The following CACNG3 variants were observed in gnomAD, a reference collection of about 807,000 sequenced individuals.
CACNG3 encodes the protein voltage-dependent calcium channel gamma-3 subunit.
Under a neutral mutation model 28.5 loss-of-function variants are expected in CACNG3, and 3 were observed. That is an observed-to-expected ratio of 0.11 (90% confidence interval 0.05 to 0.27). CACNG3 has a LOEUF of 0.27. CACNG3 is among the 10% of genes least tolerant of loss of function. The probability of loss-of-function intolerance (pLI) is 1.00; values close to 1 mark genes in which losing one functional copy is unlikely to be tolerated. For missense variants in CACNG3, 236 were observed against 414.4 expected, an observed-to-expected ratio of 0.57 and a Z score of 3.74; for synonymous variants, 174 against 162.2, an observed-to-expected ratio of 1.07 and a Z score of -0.55.
intron 1 of CACNG3, among the ~76,000 whole-genome samples, chr16:24,321,240 C>T (rs192954086): frequency 1.5e-3 from 234 of 152,100 alleles, no homozygotes; most frequent in African/African-American, 5.3e-3. Flanking sequence ...GAGGCTGAGG[C>T]GGGAGGATCA....
At chr16:24,264,771 C>T (rs1158422532) in intron 1 of CACNG3, among the ~76,000 whole-genome samples, 1 of 152,064 alleles carries the variant, frequency 6.6e-6, no homozygotes, top group Non-Finnish European at 1.5e-5. Context: ...TTTTAACAAC[C>T]AAAAGTGACT....
chr16:24,273,095 T>C (rs1470336984), intron 1 of CACNG3, among the ~76,000 whole-genome samples: 1 of 152,204 alleles, frequency 6.6e-6, no homozygotes, highest in East Asian at 1.9e-4. Context: ...CAACATACAG[T>C]ATATGGTTTC....
rs772576542 is a variant in CACNG3 at position 24,362,222 on chromosome 16, C to T, written c.*359C>T. 13 of 188,404 alleles carry T rather than the reference C, an allele frequency of 6.9e-5. No homozygotes were observed. Among genetic ancestry groups the T allele is most frequent in the African/African-American group, 1.6e-4 (7 of 42,940 alleles). The allele number at this position is 188,404 out of a possible 1,614,324, so 11.7% of individuals were successfully genotyped here. ...GGGATTTCCGAATCTCCATCAGGCG[C>T]GCTCATAGTTGTCCCCATTGTCTAC... On this transcript the variant is annotated 3_prime_UTR_variant, in exon 4 of 4. Coordinates refer to ENST00000005284, the MANE Select transcript of CACNG3 (RefSeq NM_006539.4).
intron 1 of CACNG3, among the ~76,000 whole-genome samples, chr16:24,307,490 T>A (rs1464816487): frequency 6.6e-6 from 1 of 152,182 alleles, no homozygotes; most frequent in African/African-American, 2.4e-5. Context: ...GACAGCTGCA[T>A]CACAGTCCTT....
chr16:24,276,689 G>A (rs1485916184), intron 1 of CACNG3, among the ~76,000 whole-genome samples: 1 of 152,182 alleles, frequency 6.6e-6, no homozygotes, highest in Non-Finnish European at 1.5e-5. Context: ...ATTTCAGCAG[G>A]CACTGAAAAA....
At chr16:24,281,589 A>T (rs939693445) in intron 1 of CACNG3, among the ~76,000 whole-genome samples, 6 of 152,156 alleles carry the variant, frequency 3.9e-5, no homozygotes, top group African/African-American at 1.4e-4. Context: ...TATTGGCTTC[A>T]ATTAGGTCAT....
chr16:24,330,773 T>C (rs556945599), intron 1 of CACNG3, among the ~76,000 whole-genome samples: 74 of 152,312 alleles, frequency 4.9e-4, no homozygotes, highest in African/African-American at 6.5e-4. Flanking sequence ...TCCAGAAGCC[T>C]CTGTGGTCTG....
intron 1 of CACNG3, chr16:24,333,389 A>C (rs1330832742): frequency 2.6e-5 from 4 of 151,856 alleles, no homozygotes; most frequent in Non-Finnish European, 5.9e-5. Context: ...TTTTTCTTTT[A>C]TTTTATTCTC....
chr16:24,314,459 T>A (rs537622248), intron 1 of CACNG3, among the ~76,000 whole-genome samples: 22 of 152,268 alleles, frequency 1.4e-4, no homozygotes, highest in African/African-American at 5.3e-4. Flanking sequence ...TGAGCAGCCT[T>A]GACCTTTCTC....
chr16:24,344,120 A>T (rs1228957819), intron 1 of CACNG3, among the ~76,000 whole-genome samples: 1 of 152,090 alleles, frequency 6.6e-6, no homozygotes, highest in Non-Finnish European at 1.5e-5. Flanking sequence ...AGTCATTTAG[A>T]TAGCTAAAGA....
At chr16:24,273,098 A>G (rs1898710513) in intron 1 of CACNG3, among the ~76,000 whole-genome samples, 1 of 152,104 alleles carries the variant, frequency 6.6e-6, no homozygotes, top group Non-Finnish European at 1.5e-5. Context: ...CATACAGTAT[A>G]TGGTTTCCTG....
chr16:24,328,088 T>C (rs1026698145), intron 1 of CACNG3, among the ~76,000 whole-genome samples: 2 of 152,124 alleles, frequency 1.3e-5, no homozygotes, highest in Non-Finnish European at 2.9e-5. Flanking sequence ...GCTCTTGGGA[T>C]TTACAATAGA....
rs1158587996 is a variant in CACNG3 at position 24,317,648 on chromosome 16, AAAAGAAAGAAAGAAAGAAAGAAAG to A, written c.212-29042_212-29019del. Among the ~76,000 whole-genome samples the A allele has an allele frequency of 2.0e-4, 11 of 55,736 alleles. No individual in the cohort carries two copies. The East Asian group carries it at 4.0e-3, about 20-fold the overall frequency. The allele number at this position is 55,736 out of a possible 152,430, so 36.6% of individuals were successfully genotyped here. A position where few individuals can be genotyped will look rare whatever the true frequency, so the allele number is the denominator to read the frequency against. On this transcript the variant is annotated intron_variant, in intron 1 of 3. Coordinates refer to ENST00000005284, the MANE Select transcript of CACNG3 (RefSeq NM_006539.4). ...AAAGACAGACAGAAAGAAAGAAAAG[AAAAGAAAGAAAGAAAGAAAGAAAG>A]AAAGAAAGAAAGAAAGAAAGAAAGA...
chr16:24,317,561 A>AGAAG (rs1899371194), intron 1 of CACNG3, among the ~76,000 whole-genome samples: 1 of 28,416 alleles, frequency 3.5e-5, no homozygotes, highest in Admixed American at 4.8e-4. Flanking sequence ...AGAAAAAGAA[A>AGAAG]GAAAGAAAGA....
intron 1 of CACNG3, among the ~76,000 whole-genome samples, chr16:24,299,227 T>A (rs1421445340): frequency 6.6e-6 from 1 of 152,220 alleles, no homozygotes; most frequent in Non-Finnish European, 1.5e-5. Context: ...TTTATTCATT[T>A]ATTTACATCA....
At chr16:24,284,764 A>T (rs1022626635) in intron 1 of CACNG3, among the ~76,000 whole-genome samples, 5 of 152,186 alleles carry the variant, frequency 3.3e-5, no homozygotes, top group Non-Finnish European at 5.9e-5. Flanking sequence ...TGAGGTTGGC[A>T]TGCTTTAATG....
intron 1 of CACNG3, among the ~76,000 whole-genome samples, chr16:24,302,715 A>G (rs2141360844): frequency 6.6e-6 from 1 of 152,226 alleles, no homozygotes; most frequent in African/African-American, 2.4e-5. Context: ...GCTGGAGGAC[A>G]GTGGTGCAAT....
chr16:24,349,038 C>G (rs567858611), intron 2 of CACNG3, among the ~76,000 whole-genome samples: 2 of 152,314 alleles, frequency 1.3e-5, no homozygotes, highest in South Asian at 2.1e-4. Flanking sequence ...TAAGGAGAGG[C>G]CTTAATGAGA....
intron 1 of CACNG3, among the ~76,000 whole-genome samples, chr16:24,314,859 T>C (rs7191505): frequency 0.29 from 43,240 of 150,612 alleles, 6,562 homozygotes; most frequent in African/African-American, 0.4. Flanking sequence ...GGATGGAAAA[T>C]AGGGGCTGCA....
Sources: gnomAD v4.1 joint callset for allele counts (sites outside exome capture counted in the v4.1 genomes callset) on GRCh38, gnomAD v4.1.1 for gene constraint, MANE v1.5 for transcripts, NCBI Gene and HGNC (gene_info 2026-07-23, HGNC 2026-07-21) for gene names.